Variants in RUNX1T1 observed in about 807,000 individuals in gnomAD.
RUNX1T1 encodes RUNX1 partner transcriptional co-repressor 1, also known as protein CBFA2T1.
RUNX1T1 carries 4 observed loss-of-function variants against 62.8 expected under a neutral mutation model. The ratio of observed to expected loss-of-function variants is 0.06; its 90% CI spans 0.03 to 0.15. The LOEUF (loss-of-function observed/expected upper bound fraction) is 0.15, where lower values mean the gene tolerates loss of function less well. Ranked by LOEUF, RUNX1T1 falls within the 10% of genes least tolerant of loss-of-function variation. RUNX1T1 has a pLI of 1.00. For missense variants in RUNX1T1, 508 were observed against 754.3 expected (o/e 0.67, Z 3.82); for synonymous variants, 291 against 286.0 (o/e 1.02, Z -0.18).
intron 2 of RUNX1T1, among the ~76,000 whole-genome samples, chr8:92,069,390 G>A (rs1587454823): frequency 6.6e-6 from 1 of 151,738 alleles, no homozygotes; most frequent in East Asian, 1.9e-4. Context: ...TCCACCAGGT[G>A]GAGCAAATAC....
chr8:91,967,428 C>T (rs1811885288), intron 10 of RUNX1T1, among the ~76,000 whole-genome samples: 1 of 152,006 alleles, frequency 6.6e-6, no homozygotes, highest in Non-Finnish European at 1.5e-5. Flanking sequence ...TTCCTGCCTC[C>T]AAGCCTTCTT....
At chr8:91,959,571 T>C (rs35739820) in exon 11 of RUNX1T1, 1 of 210,128 alleles carries the variant, frequency 4.8e-6, no homozygotes, top group Non-Finnish European at 9.8e-6. Flanking sequence ...ATACATCCCA[T>C]TGCAAATCAT....
intron 5 of RUNX1T1, among the ~76,000 whole-genome samples, chr8:91,997,249 A>T (rs1389067543): frequency 6.6e-6 from 1 of 152,198 alleles, no homozygotes; most frequent in Non-Finnish European, 1.5e-5. Flanking sequence ...TATAACATTC[A>T]AGGAAACGGG....
chr8:92,063,961 C>G (rs1587420300), upstream of RUNX1T1, among the ~76,000 whole-genome samples: 1 of 152,102 alleles, frequency 6.6e-6, no homozygotes, highest in East Asian at 1.9e-4. Context: ...TTAACTCTTG[C>G]TATTCCTTCA....
upstream of RUNX1T1, among the ~76,000 whole-genome samples, chr8:92,067,382 C>T (rs1257493082): frequency 6.6e-6 from 1 of 152,162 alleles, no homozygotes; most frequent in Non-Finnish European, 1.5e-5. Flanking sequence ...AAGTCACAAC[C>T]CCTAGCCTTC....
chr8:91,960,240 G>A (rs752669351), exon 11 of RUNX1T1: 25 of 1,606,792 alleles, frequency 1.6e-5, no homozygotes, highest in Middle Eastern at 1.8e-4. Flanking sequence ...CTGAGTTCAC[G>A]TCTAGCGAGG....
At chr8:92,095,327 C>T (rs773831796) in intron 1 of RUNX1T1, 3 of 1,532,352 alleles carry the variant, frequency 2.0e-6, no homozygotes, top group Non-Finnish European at 2.6e-6. Flanking sequence ...TCGCCTCCCT[C>T]CCCTGTTCAC....
At chr8:92,091,345 T>C (rs1007874334) in intron 1 of RUNX1T1, among the ~76,000 whole-genome samples, 1 of 152,242 alleles carries the variant, frequency 6.6e-6, no homozygotes, top group Non-Finnish European at 1.5e-5. Flanking sequence ...TGGTATCTCT[T>C]GGTCCTTGAA....
upstream of RUNX1T1, chr8:92,099,693 C>A: frequency 7.2e-6 from 7 of 976,798 alleles, no homozygotes; most frequent in Non-Finnish European, 8.5e-6. Context: ...TGCATAAAAC[C>A]TCAGTGAAGA....
At chr8:91,995,408 A>G (rs1160266083) in intron 5 of RUNX1T1, among the ~76,000 whole-genome samples, 1 of 152,162 alleles carries the variant, frequency 6.6e-6, no homozygotes, top group Non-Finnish European at 1.5e-5. Flanking sequence ...TTACTGTCCT[A>G]TCCTGGGGCC....
intron 1 of RUNX1T1, among the ~76,000 whole-genome samples, chr8:92,025,366 C>T (rs1301986413): frequency 6.6e-6 from 1 of 152,200 alleles, no homozygotes; most frequent in Non-Finnish European, 1.5e-5. Flanking sequence ...GACACATCTT[C>T]ATTTCTGCCA....
chr8:92,056,362 T>A (rs1279106277), intron 1 of RUNX1T1, among the ~76,000 whole-genome samples: 1 of 152,216 alleles, frequency 6.6e-6, no homozygotes, highest in Non-Finnish European at 1.5e-5. Context: ...GCATTTCACC[T>A]AGCTGATTAT....
intron 1 of RUNX1T1, among the ~76,000 whole-genome samples, chr8:92,092,860 ATTTTTTTG>A (rs1391134369): frequency 2.0e-5 from 3 of 151,774 alleles, no homozygotes; most frequent in South Asian, 2.1e-4. Context: ...TTTTTTTTTT[ATTTTTTTG>A]TTTTTTTGTT....
chr8:92,009,601 T>C (rs1332431797), intron 4 of RUNX1T1: 2 of 150,602 alleles, frequency 1.3e-5, no homozygotes, highest in Admixed American at 6.6e-5. Context: ...TCTTCTTCTT[T>C]TTTTTTTTTT....
At chr8:92,070,293 A>AGTTT (rs147219670) in intron 2 of RUNX1T1, among the ~76,000 whole-genome samples, 514 of 152,362 alleles carry the variant, frequency 3.4e-3, no homozygotes, top group Non-Finnish European at 5.4e-3. Context: ...ACCTGCCAAG[A>AGTTT]GTTTGTTGGT....
At chr8:92,049,980 A>G (rs553496922) in intron 1 of RUNX1T1, among the ~76,000 whole-genome samples, 14 of 152,328 alleles carry the variant, frequency 9.2e-5, no homozygotes, top group Admixed American at 7.8e-4. Flanking sequence ...TAAGGTTACT[A>G]TTTTATGAAT....
chr8:92,062,537 C>A, intron 1 of RUNX1T1: 1 of 1,613,850 alleles, frequency 6.2e-7, no homozygotes, highest in Non-Finnish European at 8.5e-7. Flanking sequence ...CAGAACAGGG[C>A]TAACTCACCA....
At chr8:92,071,024 C>T (rs919578689) in intron 2 of RUNX1T1, among the ~76,000 whole-genome samples, 5 of 152,178 alleles carry the variant, frequency 3.3e-5, no homozygotes, top group Non-Finnish European at 7.3e-5. Context: ...ATGGGATCTC[C>T]CAAATGGCTC....
intron 10 of RUNX1T1, 67 bp from the exon 12 acceptor site, chr8:91,960,584 A>G: frequency 6.6e-7 from 1 of 1,513,806 alleles, no homozygotes; most frequent in Non-Finnish European, 9.1e-7. Context: ...AGTCTGACAA[A>G]TATGTTAGGC....
Sources: gnomAD v4.1 joint callset for allele counts (sites outside exome capture counted in the v4.1 genomes callset) on GRCh38, gnomAD v4.1.1 for gene constraint, MANE v1.5 for transcripts, NCBI Gene and HGNC (gene_info 2026-07-23, HGNC 2026-07-21) for gene names.